The following SLC17A5 variants were observed in gnomAD, a reference collection of about 807,000 sequenced individuals.
SLC17A5 encodes solute carrier family 17 member 5.
SLC17A5 carries 47 observed loss-of-function variants against 59.4 expected under a neutral mutation model. The ratio of observed to expected loss-of-function variants is 0.79; its 90% CI spans 0.63 to 1.01. The LOEUF is 1.01. Ranked by LOEUF, SLC17A5 falls within the 50% of genes least tolerant of loss-of-function variation. SLC17A5 has a pLI of 0.00. For missense variants in SLC17A5, 522 were observed against 595.5 expected, an observed-to-expected ratio of 0.88 and a Z score of 1.28; for synonymous variants, 202 against 210.7, an observed-to-expected ratio of 0.96 and a Z score of 0.36.
At chr6:73,642,317 A>G (rs1769325667) in intron 2 of SLC17A5, among the ~76,000 whole-genome samples, 2 of 152,028 alleles carry the variant, frequency 1.3e-5, no homozygotes, top group African/African-American at 4.8e-5. Flanking sequence ...AAAAAGAGTC[A>G]CAGGCTTAAT....
chr6:73,606,325 G>A (rs900969105), intron 9 of SLC17A5, among the ~76,000 whole-genome samples: 19 of 152,242 alleles, frequency 1.2e-4, no homozygotes, highest in African/African-American at 4.3e-4. Context: ...TTACAGGCAT[G>A]AGCCACCTCA....
Position 73,606,498 on chromosome 6 carries a change from A to G in SLC17A5, c.1259+3902T>C, listed in dbSNP as rs1767398038. On this transcript the variant is annotated intron_variant, in intron 9 of 10. Transcript: ENST00000355773. ...TACTAAACCTGTTTAGCTTCTTATG[A>G]TATCTAGATAAATGTCTTTTTCGGC... Among the ~76,000 whole-genome samples, 3 of 152,152 alleles carry G rather than the reference A, an allele frequency of 2.0e-5. No individual in the cohort carries two copies. The South Asian group carries it at 6.2e-4, about 31-fold the overall frequency.
At position 73,641,702 on chromosome 6, in the gene SLC17A5, C is replaced by T; in HGVS notation, c.514G>A (p.Gly172Arg). 6.2e-7 allele frequency: 1 copy of T among 1,611,196 alleles called. No individual in the cohort carries two copies. Among genetic ancestry groups the T allele is most frequent in the Non-Finnish European group, 8.5e-7 (1 of 1,177,704 alleles). Residue 172 changes from glycine (G) to arginine (R), a missense_variant, in exon 3 of 11, where the codon GGA (glycine) becomes AGA (arginine). Coordinates refer to ENST00000355773, the MANE Select transcript of SLC17A5 (RefSeq NM_012434.5). ...GAAAAGAAAATTACCTCTCCTAGTC[C>T]TTCTAGTGCTCTGAGTACAATGAGT... ...GPLIVLRALE[G>R]LGEGVTFPAM...
chr6:73,634,619 C>A (rs536590822), intron 6 of SLC17A5, among the ~76,000 whole-genome samples: 1 of 152,128 alleles, frequency 6.6e-6, no homozygotes, highest in Non-Finnish European at 1.5e-5. Flanking sequence ...GGGCTGATCT[C>A]GAACTCCTGA....
At position 73,653,840 on chromosome 6, in the gene SLC17A5, C is replaced by T. The variant is rs920200190; in HGVS notation, c.47G>A (p.Ser16Asn). ...CGGTAGAAGAGGCGTGCGGTCCGTG[C>T]TCTCCTCGCCATCGTTCCGGGCCAG... ...RDLARNDGEE[S>N]TDRTPLLPGA... Residue 16 changes from serine (S) to asparagine (N), a missense_variant, in exon 1 of 11, where the codon AGC becomes AAC. Transcript: ENST00000355773. 2.5e-6 allele frequency: 4 copies of T among 1,606,014 alleles called. No homozygotes were observed. In the African/African-American group the frequency reaches 5.4e-5, roughly 21 times the overall value.
At chr6:73,639,218 G>C (rs1769163093) in intron 3 of SLC17A5, among the ~76,000 whole-genome samples, 2 of 152,140 alleles carry the variant, frequency 1.3e-5, no homozygotes, top group South Asian at 4.1e-4. Flanking sequence ...GGGTAAATGA[G>C]GAGATACCAC....
At chr6:73,606,693 C>T (rs1197078543) in intron 9 of SLC17A5, among the ~76,000 whole-genome samples, 1 of 152,160 alleles carries the variant, frequency 6.6e-6, no homozygotes, top group Non-Finnish European at 1.5e-5. Flanking sequence ...TATACAGATG[C>T]CAGCAGGAAT....
Position 73,610,391 on chromosome 6 carries a change from A to G in SLC17A5, c.1259+9T>C. On this transcript the variant is annotated intron_variant, in intron 9 of 10. Coordinates refer to ENST00000355773, the MANE Select transcript of SLC17A5 (RefSeq NM_012434.5). ...GTCAATCACAGCAAATCTTTATATTAGTACTCACGAAGGAGCAATATCCAG... is the reference window on the plus strand; with the variant it reads ...GTCAATCACAGCAAATCTTTATATTGGTACTCACGAAGGAGCAATATCCAG... 1.2e-6 allele frequency: 2 copies of G among 1,613,644 alleles called. No individual in the cohort carries two copies. The highest frequency in any genetic ancestry group is 2.2e-5 in the East Asian group (1 of 44,876).
At chr6:73,630,448 C>G (rs984522175) in intron 6 of SLC17A5, among the ~76,000 whole-genome samples, 1 of 152,206 alleles carries the variant, frequency 6.6e-6, no homozygotes, top group Non-Finnish European at 1.5e-5. Flanking sequence ...AACTGCAACT[C>G]TTGCTTGTCC....
At chr6:73,621,076 G>C (rs1768126418) in intron 7 of SLC17A5, among the ~76,000 whole-genome samples, 1 of 151,746 alleles carries the variant, frequency 6.6e-6, no homozygotes, top group African/African-American at 2.4e-5. Flanking sequence ...CTTGATCCTG[G>C]GTCACCACAA....
chr6:73,624,792 G>T (rs1768328594), intron 6 of SLC17A5, among the ~76,000 whole-genome samples: 1 of 152,066 alleles, frequency 6.6e-6, no homozygotes, highest in African/African-American at 2.4e-5. Flanking sequence ...AGAATCGCTT[G>T]AACTCAGGGA....
intron 9 of SLC17A5, among the ~76,000 whole-genome samples, chr6:73,605,767 C>T (rs1581959361): frequency 2.0e-5 from 3 of 151,994 alleles, no homozygotes; most frequent in East Asian, 2.0e-4. Context: ...CACCTGAGGT[C>T]GGGAGTTCGA....
intron 9 of SLC17A5, among the ~76,000 whole-genome samples, chr6:73,608,822 C>T (rs990038158): frequency 7.9e-5 from 12 of 152,222 alleles, no homozygotes; most frequent in African/African-American, 2.9e-4. Context: ...CTGAGACCAC[C>T]CTGGGCAAGA....
intron 10 of SLC17A5, among the ~76,000 whole-genome samples, chr6:73,599,144 T>G (rs1766947997): frequency 6.6e-6 from 1 of 152,202 alleles, no homozygotes; most frequent in Non-Finnish European, 1.5e-5. Context: ...ACTGCACCAC[T>G]GTACTCCAGA....
chr6:73,621,000 A>ATTTATT (rs35762085), intron 7 of SLC17A5, among the ~76,000 whole-genome samples: 11 of 150,294 alleles, frequency 7.3e-5, no homozygotes, highest in South Asian at 2.1e-4. Flanking sequence ...TGCTGGGATT[A>ATTTATT]ATTATTATTA....
Position 73,597,021 on chromosome 6 carries a change from C to T in SLC17A5, c.1351-1807G>A, listed in dbSNP as rs183158037. Among the ~76,000 whole-genome samples, 14 of 151,880 alleles carry T rather than the reference C, an allele frequency of 9.2e-5. No individual in the cohort carries two copies. The East Asian group carries it at 2.5e-3, about 27-fold the overall frequency. On this transcript the variant is annotated intron_variant, in intron 10 of 10. Transcript: ENST00000355773. The stretch of plus-strand genomic sequence containing the variant: ...ACTAAAAATACAAAAATTAGCTGGG[C>T]GTGGTGGCAGGCTCCTGTAATCCCA...
intron 7 of SLC17A5, among the ~76,000 whole-genome samples, chr6:73,616,022 G>A (rs1047367297): frequency 2.6e-5 from 4 of 151,322 alleles, no homozygotes; most frequent in South Asian, 2.1e-4. Flanking sequence ...AGTAGCTGGG[G>A]TTACAGGTGC....
chr6:73,643,972 A>T (rs1164687472), intron 2 of SLC17A5, among the ~76,000 whole-genome samples: 1 of 152,310 alleles, frequency 6.6e-6, no homozygotes, highest in East Asian at 1.9e-4. Context: ...TCAGAAAAGA[A>T]TGTCCTAAGA....
intron 9 of SLC17A5, among the ~76,000 whole-genome samples, chr6:73,609,530 ATAGT>A (rs1215518359): frequency 6.6e-6 from 1 of 150,914 alleles, no homozygotes; most frequent in Non-Finnish European, 1.5e-5. Context: ...CATAGGTAAT[ATAGT>A]TAGACAAATC....
Sources: gnomAD v4.1 joint callset for allele counts (sites outside exome capture counted in the v4.1 genomes callset) on GRCh38, gnomAD v4.1.1 for gene constraint, MANE v1.5 for transcripts, NCBI Gene and HGNC (gene_info 2026-07-23, HGNC 2026-07-21) for gene names.